The following NKAIN2 variants were observed in gnomAD, a reference collection of about 807,000 sequenced individuals.
NKAIN2 encodes the protein sodium/potassium-transporting ATPase subunit beta-1-interacting protein 2.
Under a neutral mutation model 32.6 loss-of-function variants are expected in NKAIN2, and 14 were observed. The ratio of observed to expected loss-of-function variants is 0.43; its 90% CI spans 0.28 to 0.67. NKAIN2 has a LOEUF of 0.67. Ranked by LOEUF, NKAIN2 falls within the 30% of genes least tolerant of loss-of-function variation. NKAIN2 has a pLI of 0.17. For synonymous variants in NKAIN2, 80 were observed against 87.2 expected (o/e 0.92, Z 0.46); for missense variants, 198 against 258.3 (o/e 0.77, Z 1.60).
chr6:124,392,865 A>G (rs1773204480), intron 3 of NKAIN2, among the ~76,000 whole-genome samples: 1 of 152,038 alleles, frequency 6.6e-6, no homozygotes, highest in African/African-American at 2.4e-5. Flanking sequence ...TTGGGACAAT[A>G]TGCTCCTAGT....
intron 1 of NKAIN2, among the ~76,000 whole-genome samples, chr6:124,281,351 C>T (rs993277755): frequency 4.6e-5 from 7 of 152,182 alleles, no homozygotes; most frequent in South Asian, 2.1e-4. Flanking sequence ...ATTCTAACTT[C>T]GCATATGTAA....
intron 4 of NKAIN2, among the ~76,000 whole-genome samples, chr6:124,703,256 A>T (rs1774890116): frequency 1.3e-5 from 2 of 151,588 alleles, no homozygotes. Context: ...TGTCCTCCAA[A>T]GTGGGAAAGA....
chr6:124,200,034 T>C (rs545866940), intron 1 of NKAIN2, among the ~76,000 whole-genome samples: 307 of 152,264 alleles, frequency 2.0e-3, no homozygotes, highest in Non-Finnish European at 3.6e-3. Context: ...GAAAATTAGC[T>C]AAAAATAATC....
At chr6:124,767,973 C>T (rs1041147862) in intron 4 of NKAIN2, among the ~76,000 whole-genome samples, 1 of 152,124 alleles carries the variant, frequency 6.6e-6, no homozygotes, top group Non-Finnish European at 1.5e-5. Flanking sequence ...GATAGTTTTA[C>T]ATCATATCAT....
At chr6:124,700,220 A>G (rs1774708432) in intron 4 of NKAIN2, among the ~76,000 whole-genome samples, 1 of 152,206 alleles carries the variant, frequency 6.6e-6, no homozygotes, top group South Asian at 2.1e-4. Context: ...ATGAAAAATC[A>G]GGCAAAATCT....
chr6:124,765,731 C>G (rs1778485071), intron 4 of NKAIN2, among the ~76,000 whole-genome samples: 1 of 152,158 alleles, frequency 6.6e-6, no homozygotes, highest in African/African-American at 2.4e-5. Flanking sequence ...TTGTGTACCA[C>G]CACCCTGAAT....
intron 1 of NKAIN2, among the ~76,000 whole-genome samples, chr6:124,146,923 G>A (rs59353529): frequency 2.6e-5 from 4 of 152,306 alleles, no homozygotes; most frequent in Non-Finnish European, 4.4e-5. Context: ...GGGAGGAGGC[G>A]TGGAGGCTTC....
intron 1 of NKAIN2, among the ~76,000 whole-genome samples, chr6:123,962,316 A>G (rs1777883422): frequency 6.6e-6 from 1 of 152,188 alleles, no homozygotes; most frequent in African/African-American, 2.4e-5. Context: ...GTGTCTGAAG[A>G]AGATTCTCAA....
intron 3 of NKAIN2, among the ~76,000 whole-genome samples, chr6:124,655,504 T>C (rs1457860908): frequency 6.6e-6 from 1 of 152,126 alleles, no homozygotes; most frequent in African/African-American, 2.4e-5. Flanking sequence ...CTAACATCAA[T>C]GCTTTTTAAA....
At chr6:123,892,701 A>C (rs1187914065) in intron 1 of NKAIN2, among the ~76,000 whole-genome samples, 1 of 151,802 alleles carries the variant, frequency 6.6e-6, no homozygotes. Flanking sequence ...ATATTCATGG[A>C]GTGAGGATGG....
At chr6:123,944,635 A>G (rs1223188897) in intron 1 of NKAIN2, among the ~76,000 whole-genome samples, 1 of 152,124 alleles carries the variant, frequency 6.6e-6, no homozygotes, top group Non-Finnish European at 1.5e-5. Flanking sequence ...TTGGTGACAA[A>G]CACTTTGATA....
intron 4 of NKAIN2, among the ~76,000 whole-genome samples, chr6:124,776,546 T>A (rs1017029559): frequency 6.6e-6 from 1 of 152,144 alleles, no homozygotes; most frequent in African/African-American, 2.4e-5. Flanking sequence ...GATATGTGTA[T>A]GTGTTTGGGA....
intron 1 of NKAIN2, among the ~76,000 whole-genome samples, chr6:123,934,696 A>G (rs1320064478): frequency 1.3e-5 from 2 of 152,130 alleles, no homozygotes; most frequent in Non-Finnish European, 2.9e-5. Flanking sequence ...TCTATTTCCT[A>G]ATTTGATTGG....
intron 3 of NKAIN2, among the ~76,000 whole-genome samples, chr6:124,497,305 A>T (rs568357660): frequency 2.0e-5 from 3 of 152,202 alleles, no homozygotes; most frequent in African/African-American, 7.2e-5. Flanking sequence ...GCCACTAAAA[A>T]ATAAAAATGT....
intron 1 of NKAIN2, among the ~76,000 whole-genome samples, chr6:124,028,316 G>A (rs947459371): frequency 1.2e-4 from 18 of 148,530 alleles, no homozygotes; most frequent in African/African-American, 4.0e-4. Context: ...CTCTGAATGA[G>A]GAGTGAAATG....
chr6:124,787,999 G>T (rs568059501), intron 4 of NKAIN2, among the ~76,000 whole-genome samples: 1 of 152,060 alleles, frequency 6.6e-6, no homozygotes, highest in South Asian at 2.1e-4. Context: ...AGGATTAATG[G>T]GCTAACACAT....
chr6:124,593,832 G>A (rs1781994192), intron 3 of NKAIN2, among the ~76,000 whole-genome samples: 1 of 152,162 alleles, frequency 6.6e-6, no homozygotes, highest in Non-Finnish European at 1.5e-5. Flanking sequence ...GAATGTTTAG[G>A]GTAATAGTGG....
intron 1 of NKAIN2, among the ~76,000 whole-genome samples, chr6:124,053,961 T>C (rs142971272): frequency 6.6e-6 from 1 of 152,156 alleles, no homozygotes; most frequent in Admixed American, 6.6e-5. Context: ...GATGGTACAG[T>C]CTATGAGTAT....
chr6:123,942,322 ATAAAAGAG>A (rs1433797816), intron 1 of NKAIN2, among the ~76,000 whole-genome samples: 1 of 151,842 alleles, frequency 6.6e-6, no homozygotes, highest in Non-Finnish European at 1.5e-5. Flanking sequence ...TAATAATTAA[ATAAAAGAG>A]TTAAAGAGTT....
Sources: allele counts gnomAD v4.1 joint callset (sites outside exome capture counted in the v4.1 genomes callset), GRCh38; gene constraint gnomAD v4.1.1; transcripts MANE v1.5; gene names NCBI Gene and HGNC (gene_info 2026-07-23, HGNC 2026-07-21).